STIM2: variants seen among roughly 807,000 people sequenced by gnomAD.
STIM2 encodes the protein stromal interaction molecule 2.
STIM2 carries 31 observed loss-of-function variants against 85.8 expected under a neutral mutation model. The ratio of observed to expected loss-of-function variants is 0.36; its 90% confidence interval spans 0.27 to 0.49. The LOEUF (loss-of-function observed/expected upper bound fraction) is 0.49, where lower values mean the gene tolerates loss of function less well. Among genes scored for constraint, STIM2 ranks in the 20% least tolerant of loss-of-function variants. The probability of loss-of-function intolerance (pLI) is 0.98; values close to 1 mark genes in which losing one functional copy is unlikely to be tolerated. For missense variants in STIM2, 841 were observed against 927.6 expected (o/e 0.91, Z 1.21); for synonymous variants, 356 against 331.1 (o/e 1.08, Z -0.82).
chr4:26,869,218 G>A (rs529343304), intron 1 of STIM2, among the ~76,000 whole-genome samples: 57 of 150,426 alleles, frequency 3.8e-4, no homozygotes, highest in African/African-American at 1.0e-3. Flanking sequence ...AATCACCTGA[G>A]CCTGGGGGAA....
intron 2 of STIM2, among the ~76,000 whole-genome samples, chr4:26,920,116 A>AG (rs1386860623): frequency 2.6e-5 from 4 of 152,070 alleles, no homozygotes; most frequent in Non-Finnish European, 1.5e-5. Flanking sequence ...TATTCTGCAT[A>AG]ATGTCTTTCT....
At chr4:26,861,881 C>T (rs539388411) in intron 1 of STIM2, among the ~76,000 whole-genome samples, 139 of 152,078 alleles carry the variant, frequency 9.1e-4, no homozygotes, top group African/African-American at 3.3e-3. Context: ...GCCATAATAC[C>T]TAGTGATATT....
At chr4:26,981,625 A>G (rs558248787) in intron 3 of STIM2, among the ~76,000 whole-genome samples, 1 of 152,276 alleles carries the variant, frequency 6.6e-6, no homozygotes, top group South Asian at 2.1e-4. Context: ...AGGGTGATGC[A>G]TTGTACCCGG....
Position 27,022,788 on chromosome 4 carries a change from C to T in STIM2, c.2033C>T (p.Ser678Phe). The T allele has an allele frequency of 6.2e-7, 1 of 1,614,182 alleles. No individual in the cohort carries two copies. Among genetic ancestry groups the T allele is most frequent in the Non-Finnish European group, 8.5e-7 (1 of 1,180,042 alleles). The change falls in exon 12 of 12, where the codon TCC becomes TTC. Residue 678 changes from serine (S) to phenylalanine (F), a missense_variant. Physicochemically the swap from Ser to Phe is radical, Grantham distance 155 (BLOSUM62 -2). Around this residue, in one of 3 missense-constraint regions of STIM2, gnomAD observed 293 missense variants for 284.5 expected, o/e 1.03. Transcript: ENST00000467087. ...GTGTACAATGGCATTTTGGAGAAAT[C>T]CTGTAGCATGAACCAGCTTTCCAGT... is the stretch of plus-strand genomic sequence containing the variant.
Position 27,022,824 on chromosome 4 carries a change from T to C in STIM2, c.2069T>C (p.Val690Ala). Residue 690 changes from valine (V) to alanine (A), a missense_variant, in exon 12 of 12, where the codon GTG becomes GCG. This residue lies in a region of STIM2 where 293 missense variants were observed against 284.5 expected (regional missense o/e 1.03). Transcript: ENST00000467087. Reference sequence around the variant, plus strand: ...AACCAGCTTTCCAGTGGCATCCCGGTGCCTAAACCTCGCCACACATCATGT... The same window carrying C: ...AACCAGCTTTCCAGTGGCATCCCGGCGCCTAAACCTCGCCACACATCATGT... 1 of 1,614,186 alleles carries C rather than the reference T, an allele frequency of 6.2e-7. No homozygotes were observed. The highest frequency in any genetic ancestry group is 8.5e-7 in the Non-Finnish European group (1 of 1,180,032).
chr4:26,954,294 G>T (rs944926738), intron 2 of STIM2, among the ~76,000 whole-genome samples: 1 of 152,104 alleles, frequency 6.6e-6, no homozygotes, highest in Non-Finnish European at 1.5e-5. Context: ...TCGTCTGAGC[G>T]AATCTTTTAA....
chr4:26,952,733 T>G (rs573480009), intron 2 of STIM2, among the ~76,000 whole-genome samples: 86 of 152,250 alleles, frequency 5.6e-4, no homozygotes, highest in Admixed American at 1.4e-3. Flanking sequence ...AGTTCATGCT[T>G]TATTAACATG....
intron 1 of STIM2, among the ~76,000 whole-genome samples, chr4:26,875,655 G>C (rs1379185394): frequency 6.6e-6 from 1 of 152,058 alleles, no homozygotes; most frequent in African/African-American, 2.4e-5. Context: ...TAGACAAATG[G>C]GAGCTGTTTT....
At chr4:26,960,053 G>A (rs1726389676) in intron 3 of STIM2, among the ~76,000 whole-genome samples, 1 of 152,092 alleles carries the variant, frequency 6.6e-6, no homozygotes, top group Admixed American at 6.6e-5. Flanking sequence ...GTTTATTAAA[G>A]GGGTCATGTA....
At chr4:26,870,058 A>G (rs1722554823) in intron 1 of STIM2, among the ~76,000 whole-genome samples, 1 of 152,184 alleles carries the variant, frequency 6.6e-6, no homozygotes. Flanking sequence ...ACGCAGCCAT[A>G]GAAAGACAAA....
At chr4:26,931,535 A>G (rs1233876242) in intron 2 of STIM2, among the ~76,000 whole-genome samples, 1 of 152,176 alleles carries the variant, frequency 6.6e-6, no homozygotes, top group Non-Finnish European at 1.5e-5. Flanking sequence ...CATCTTTGTA[A>G]TAGGATATGT....
At chr4:26,879,576 C>T (rs1239837873) in intron 1 of STIM2, among the ~76,000 whole-genome samples, 4 of 152,070 alleles carry the variant, frequency 2.6e-5, no homozygotes, top group Admixed American at 6.5e-5. Context: ...CCCAACAACT[C>T]TATGAGAGCA....
chr4:26,910,920 T>C (rs1249712975), intron 1 of STIM2, among the ~76,000 whole-genome samples: 1 of 152,012 alleles, frequency 6.6e-6, no homozygotes, highest in Non-Finnish European at 1.5e-5. Flanking sequence ...ACCTAAGGAA[T>C]TGAGTTTGTA....
At chr4:26,874,314 C>T (rs923232032) in intron 1 of STIM2, 1 of 365,296 alleles carries the variant, frequency 2.7e-6, no homozygotes, top group African/African-American at 2.1e-5. Flanking sequence ...ATCTCCGGCG[C>T]ACAGAGGCCC....
At chr4:26,892,457 TGACA>T (rs1447568125) in intron 1 of STIM2, among the ~76,000 whole-genome samples, 14 of 152,152 alleles carry the variant, frequency 9.2e-5, no homozygotes, top group Admixed American at 3.3e-4. Flanking sequence ...CCCTCATGAC[TGACA>T]GACCTCCCAA....
At chr4:26,902,649 T>C (rs1330921963) in intron 1 of STIM2, among the ~76,000 whole-genome samples, 1 of 152,174 alleles carries the variant, frequency 6.6e-6, no homozygotes, top group African/African-American at 2.4e-5. Context: ...TCAAAATCAT[T>C]TCTTAGAAAT....
In STIM2 at chr4:26,997,020, A is replaced by G. The variant is rs977767851; in HGVS notation, c.509+1530A>G. On this transcript the variant is annotated intron_variant, in intron 4 of 11. Coordinates refer to ENST00000467087, the MANE Select transcript of STIM2 (RefSeq NM_020860.4). ...CTCCTTAAATAGTGAACATGTTACT[A>G]TAGAAAAACATTATAACTTCAGTTT... Among the ~76,000 whole-genome samples the G allele has an allele frequency of 2.6e-5, 4 of 152,158 alleles. 1 individual carries two copies. The highest frequency in any genetic ancestry group is 9.6e-5 in the African/African-American group (4 of 41,456).
intron 1 of STIM2, among the ~76,000 whole-genome samples, chr4:26,901,357 A>G (rs1222084373): frequency 1.3e-5 from 2 of 152,182 alleles, no homozygotes; most frequent in Admixed American, 1.3e-4. Flanking sequence ...ACTAATTTCT[A>G]TGAGGATTCA....
intron 1 of STIM2, among the ~76,000 whole-genome samples, chr4:26,903,859 A>G (rs1394208380): frequency 6.6e-6 from 1 of 152,062 alleles, no homozygotes; most frequent in Middle Eastern, 3.2e-3. Context: ...AAAATGGTAG[A>G]GCCAAGTTAT....
Sources: allele counts gnomAD v4.1 joint callset (sites outside exome capture counted in the v4.1 genomes callset), GRCh38; gene constraint gnomAD v4.1.1; regional missense constraint gnomAD v4.1.1; transcripts MANE v1.5; gene names NCBI Gene and HGNC (gene_info 2026-07-23, HGNC 2026-07-21).